The following DNAH11 variants were observed in gnomAD, a reference collection of about 807,000 sequenced individuals.
The protein encoded by DNAH11 is dynein axonemal heavy chain 11.
Under a neutral mutation model 526.0 loss-of-function variants are expected in DNAH11, and 442 were observed. That is an observed-to-expected ratio of 0.84 (90% CI 0.78 to 0.91). The LOEUF is 0.91. Ranked by LOEUF, DNAH11 falls within the 40% of genes least tolerant of loss-of-function variation. The pLI is 0.00. For missense variants in DNAH11, 6,989 were observed against 5,448.7 expected, an observed-to-expected ratio of 1.28 and a Z score of -8.90; for synonymous variants, 2,461 against 1,935.9, an observed-to-expected ratio of 1.27 and a Z score of -7.12.
At chr7:21,638,691 G>GTGT (rs1786978186) in intron 27 of DNAH11, among the ~76,000 whole-genome samples, 2 of 144,118 alleles carry the variant, frequency 1.4e-5, no homozygotes, top group African/African-American at 5.1e-5. Context: ...CAGCTAATGG[G>GTGT]GTGTGTGTGT....
At chr7:21,597,180 C>G (rs1383705412) in intron 14 of DNAH11, among the ~76,000 whole-genome samples, 1 of 152,004 alleles carries the variant, frequency 6.6e-6, no homozygotes, top group Non-Finnish European at 1.5e-5. Flanking sequence ...CTCTTCCTTT[C>G]GCTCCCTTTA....
At chr7:21,838,069 A>AT (rs1347062213) in intron 65 of DNAH11, among the ~76,000 whole-genome samples, 2 of 152,214 alleles carry the variant, frequency 1.3e-5, no homozygotes, top group Non-Finnish European at 2.9e-5. Context: ...ACTAACAAAG[A>AT]TTTTCTCAAA....
chr7:21,718,253 A>G (rs181539674), intron 43 of DNAH11, among the ~76,000 whole-genome samples: 334 of 152,206 alleles, frequency 2.2e-3, no homozygotes, highest in African/African-American at 6.4e-3. Flanking sequence ...TGTTTGTTGA[A>G]TCACTGTGTT....
At chr7:21,753,635 C>G (rs370444717) in intron 54 of DNAH11, among the ~76,000 whole-genome samples, 2 of 152,278 alleles carry the variant, frequency 1.3e-5, no homozygotes, top group African/African-American at 4.8e-5. Flanking sequence ...GTCCAATAGC[C>G]ATATTAATTG....
At chr7:21,585,791 T>C (rs1264150077) in intron 9 of DNAH11, among the ~76,000 whole-genome samples, 3 of 152,158 alleles carry the variant, frequency 2.0e-5, no homozygotes, top group Non-Finnish European at 2.9e-5. Flanking sequence ...ACAATGGCAA[T>C]GGTGTTATGA....
intron 43 of DNAH11, among the ~76,000 whole-genome samples, chr7:21,720,042 C>T (rs1435151715): frequency 1.3e-5 from 2 of 152,214 alleles, no homozygotes; most frequent in East Asian, 1.9e-4. Context: ...GAGGACCGCC[C>T]AGCACGTTGC....
At chr7:21,800,329 C>T (rs973170768) in intron 61 of DNAH11, among the ~76,000 whole-genome samples, 5 of 152,058 alleles carry the variant, frequency 3.3e-5, no homozygotes, top group African/African-American at 9.7e-5. Flanking sequence ...TCAGTCCCTA[C>T]GTCCAGAAGA....
intron 55 of DNAH11, among the ~76,000 whole-genome samples, chr7:21,767,450 G>T (rs1787229315): frequency 6.6e-6 from 1 of 152,126 alleles, no homozygotes; most frequent in African/African-American, 2.4e-5. Context: ...ATATGCCGTT[G>T]ACCGTTGACA....
chr7:21,604,109 T>C (rs1050931924), intron 18 of DNAH11, among the ~76,000 whole-genome samples: 3 of 152,200 alleles, frequency 2.0e-5, no homozygotes, highest in African/African-American at 4.8e-5. Context: ...TTTGTTATTA[T>C]GAGAAGTCAT....
chr7:21,628,738 G>A (rs1222668536), intron 25 of DNAH11, among the ~76,000 whole-genome samples: 1 of 151,946 alleles, frequency 6.6e-6, no homozygotes, highest in Non-Finnish European at 1.5e-5. Context: ...AGTAGTATTG[G>A]CCTGTAATTT....
intron 40 of DNAH11, among the ~76,000 whole-genome samples, chr7:21,708,065 A>T (rs906417347): frequency 1.3e-5 from 2 of 152,194 alleles, no homozygotes; most frequent in African/African-American, 4.8e-5. Flanking sequence ...ATTTTATCCC[A>T]CGTCAATTAT....
intron 28 of DNAH11, among the ~76,000 whole-genome samples, chr7:21,653,050 A>G (rs534317272): frequency 2.5e-4 from 38 of 152,022 alleles, no homozygotes; most frequent in African/African-American, 8.4e-4. Context: ...CTAATTTTGT[A>G]TTTGTAGTAG....
chr7:21,876,728 A>C (rs1783727549), intron 74 of DNAH11, among the ~76,000 whole-genome samples: 1 of 152,180 alleles, frequency 6.6e-6, no homozygotes, highest in Non-Finnish European at 1.5e-5. Flanking sequence ...CACATTCCTG[A>C]CAGGAGGATG....
chr7:21,619,012 T>C lies in DNAH11; in HGVS notation c.4255-88T>C, dbSNP rs543609199. 240 of 1,534,630 alleles carry C rather than the reference T, an allele frequency of 1.6e-4. No homozygotes were observed. In the African/African-American group the frequency reaches 2.8e-3, roughly 18 times the overall value. On this transcript the variant is annotated intron_variant, in intron 23 of 81. Transcript: ENST00000409508. Reference sequence around the variant, plus strand: ...CTCAGCACCTGACTTGAGTATATTTTAGTTAAGATTCATTTCACCAGCCTT... The same window carrying C: ...CTCAGCACCTGACTTGAGTATATTTCAGTTAAGATTCATTTCACCAGCCTT...
intron 2 of DNAH11, among the ~76,000 whole-genome samples, chr7:21,548,890 T>A (rs933446147): frequency 2.0e-5 from 3 of 152,082 alleles, no homozygotes; most frequent in African/African-American, 7.2e-5. Flanking sequence ...CAGACTTTTT[T>A]TTTTTTTTGA....
At chr7:21,831,839 C>G (rs1185943175) in intron 65 of DNAH11, among the ~76,000 whole-genome samples, 3 of 152,108 alleles carry the variant, frequency 2.0e-5, no homozygotes, top group Non-Finnish European at 4.4e-5. Context: ...GCCTGTAATC[C>G]CAGCACTTTG....
intron 18 of DNAH11, among the ~76,000 whole-genome samples, chr7:21,602,557 TTGTGTGTGTGTGTG>T (rs60703018): frequency 0.04 from 5,921 of 148,840 alleles, 288 homozygotes; most frequent in African/African-American, 0.12. Flanking sequence ...ATTTTATAGA[TTGTGTGTGTGTGTG>T]TGTGTGTGTG....
intron 35 of DNAH11, among the ~76,000 whole-genome samples, chr7:21,692,641 C>T (rs1199315998): frequency 1.3e-5 from 2 of 152,096 alleles, no homozygotes; most frequent in African/African-American, 2.4e-5. Context: ...CATTCACGTG[C>T]GATGTTTACA....
At chr7:21,770,833 G>T (rs1409312986) in intron 55 of DNAH11, among the ~76,000 whole-genome samples, 1 of 152,260 alleles carries the variant, frequency 6.6e-6, no homozygotes, top group East Asian at 1.9e-4. Context: ...CAAACCCTTT[G>T]TCCCTGGCTC....
Sources: gnomAD v4.1 joint callset for allele counts (sites outside exome capture counted in the v4.1 genomes callset) on GRCh38, gnomAD v4.1.1 for gene constraint, MANE v1.5 for transcripts, NCBI Gene and HGNC (gene_info 2026-07-23, HGNC 2026-07-21) for gene names.